CDON: variants seen among roughly 807,000 people sequenced by gnomAD.
CDON encodes the protein cell adhesion molecule-related/down-regulated by oncogenes.
In CDON, 73 loss-of-function variants were observed where a neutral mutation model predicts 120.9. That is an observed-to-expected ratio of 0.60 (90% CI 0.50 to 0.73). CDON has a LOEUF of 0.73. CDON is among the 30% of genes least tolerant of loss of function. The probability of loss-of-function intolerance (pLI) is 0.00; values close to 1 mark genes in which losing one functional copy is unlikely to be tolerated. For synonymous variants in CDON, 566 were observed against 573.5 expected (o/e 0.99, Z 0.19); for missense variants, 1,470 against 1,587.3 (o/e 0.93, Z 1.26).
rs1004143841 is a variant in CDON, at chr11:125,957,933, A to C, written c.*3009T>G. 1 of 152,246 alleles carries C rather than the reference A, an allele frequency of 6.6e-6. No homozygotes were observed. Among genetic ancestry groups the C allele is most frequent in the Non-Finnish European group, 1.5e-5 (1 of 68,056 alleles). 9.4% of individuals were successfully genotyped at this position (152,246 alleles called of 1,614,324 possible). A position where few individuals can be genotyped will look rare whatever the true frequency, so the allele number is the denominator to read the frequency against. The stretch of plus-strand genomic sequence containing the variant: ...AGTTTATGCTAAAACAATCACACAG[A>C]ATTCTAGATGAGAAGGAACATGAAT... On this transcript the variant is annotated 3_prime_UTR_variant, in exon 20 of 20. Transcript: ENST00000531738.
intron 18 of CDON, among the ~76,000 whole-genome samples, chr11:125,973,136 G>C (rs61029109): frequency 0.37 from 53,811 of 147,176 alleles, 9,907 homozygotes; most frequent in African/African-American, 0.45. Context: ...CTAGTCTACT[G>C]TTTCTCATCT....
chr11:125,979,480 G>A (rs949344870), intron 17 of CDON, among the ~76,000 whole-genome samples: 1 of 152,078 alleles, frequency 6.6e-6, no homozygotes, highest in Admixed American at 6.5e-5. Flanking sequence ...CCCTCAACAC[G>A]TTGAAGTTAG....
intron 7 of CDON, chr11:126,014,818 T>TA (rs893646763): frequency 2.5e-4 from 39 of 159,008 alleles, no homozygotes; most frequent in African/African-American, 7.2e-4. Flanking sequence ...ACTATTTAGG[T>TA]AAAAAAAACA....
intron 14 of CDON, among the ~76,000 whole-genome samples, 170 bp downstream of exon 14, chr11:125,994,114 T>C (rs181084259): frequency 6.6e-6 from 1 of 152,364 alleles, no homozygotes; most frequent in East Asian, 1.9e-4. Flanking sequence ...TATAAGGTGC[T>C]GCATATATTA....
chr11:125,973,861 A>G (rs999988964), intron 18 of CDON, among the ~76,000 whole-genome samples: 1 of 152,030 alleles, frequency 6.6e-6, no homozygotes, highest in African/African-American at 2.4e-5. Context: ...TAAAGCATCC[A>G]GATTTAATTA....
chr11:126,023,385 C>T lies in CDON; in HGVS notation c.76+16G>A, dbSNP rs769492160. The T allele has an allele frequency of 3.7e-5, 57 of 1,561,142 alleles. No individual in the cohort carries two copies. The Middle Eastern group carries it at 5.0e-4, about 14-fold the overall frequency. ...GAGTAAAGGCCAAACCACCCCCTCC[C>T]CAATTCTACTCTTACCTGAACTCAC... is the stretch of plus-strand genomic sequence containing the variant. On this transcript the variant is annotated intron_variant, in intron 2 of 19. Coordinates refer to ENST00000531738, the MANE Select transcript of CDON (RefSeq NM_001378964.1).
chr11:126,002,947 C>T (rs7104123), intron 10 of CDON, among the ~76,000 whole-genome samples: 45,258 of 151,878 alleles, frequency 0.3, 7,193 homozygotes, highest in East Asian at 0.53. Flanking sequence ...TGGCACTTGC[C>T]ATCTCTGCTG....
intron 1 of CDON, among the ~76,000 whole-genome samples, chr11:126,062,275 T>G (rs767906478): frequency 6.6e-6 from 1 of 152,092 alleles, no homozygotes; most frequent in Non-Finnish European, 1.5e-5. Flanking sequence ...CTCCCCGCTC[T>G]GCGGCATCTC....
At chr11:126,057,792 G>A (rs1948714846) in intron 1 of CDON, among the ~76,000 whole-genome samples, 1 of 152,192 alleles carries the variant, frequency 6.6e-6, no homozygotes, top group Non-Finnish European at 1.5e-5. Context: ...TGTTTCACGT[G>A]CCCGCACTAT....
At chr11:126,056,589 A>G (rs668748) in intron 1 of CDON, among the ~76,000 whole-genome samples, 94,218 of 152,150 alleles carry the variant, frequency 0.62, 29,771 homozygotes, top group African/African-American at 0.73. Context: ...GCTATTAACC[A>G]CAGCCAAAGT....
intron 1 of CDON, among the ~76,000 whole-genome samples, chr11:126,041,910 G>T (rs1471247727): frequency 6.6e-6 from 1 of 152,110 alleles, no homozygotes; most frequent in Non-Finnish European, 1.5e-5. Flanking sequence ...TTGAGACAGA[G>T]TTTCGCTCTT....
At chr11:126,031,757 GT>G (rs768640629) in intron 1 of CDON, among the ~76,000 whole-genome samples, 59 of 152,312 alleles carry the variant, frequency 3.9e-4, no homozygotes, top group African/African-American at 1.3e-3. Context: ...TCTAAGTGCA[GT>G]TTGAATGCGA....
At chr11:126,031,927 A>T (rs142006395) in intron 1 of CDON, among the ~76,000 whole-genome samples, 1 of 152,260 alleles carries the variant, frequency 6.6e-6, no homozygotes, top group African/African-American at 2.4e-5. Flanking sequence ...TTTATTTAAG[A>T]ACAAACTGGA....
intron 1 of CDON, among the ~76,000 whole-genome samples, chr11:126,036,985 C>T (rs189731701): frequency 1.0e-3 from 156 of 152,318 alleles, no homozygotes; most frequent in African/African-American, 3.7e-3. Context: ...CCACCATACC[C>T]AGCCTACAAC....
rs529057981 is a variant in CDON at position 126,015,567 on chromosome 11, T to A, written c.929-57A>T. ...CCCTCAAAATGTACTTCTTAAATTATCACTCGAGTGATAAAAATCTTCTCT... is the reference window on the plus strand; with the variant it reads ...CCCTCAAAATGTACTTCTTAAATTAACACTCGAGTGATAAAAATCTTCTCT... On this transcript the variant is annotated intron_variant, in intron 6 of 19. Coordinates refer to ENST00000531738, the MANE Select transcript of CDON (RefSeq NM_001378964.1). 3.2e-6 allele frequency: 5 copies of A among 1,556,552 alleles called. No individual in the cohort carries two copies. The Admixed American group carries it at 8.6e-5, about 27-fold the overall frequency.
chr11:126,005,152 A>G (rs7112936), intron 9 of CDON, among the ~76,000 whole-genome samples: 10,497 of 152,134 alleles, frequency 0.069, 461 homozygotes, highest in Admixed American at 0.12. Context: ...ATACAAAAAA[A>G]TTAGCCAGGT....
intron 2 of CDON, among the ~76,000 whole-genome samples, chr11:126,021,859 T>C (rs1947650735): frequency 6.6e-6 from 1 of 152,012 alleles, no homozygotes; most frequent in Non-Finnish European, 1.5e-5. Context: ...ATACCAGCAC[T>C]TTGGGAGGCC....
rs531056348 is a variant in CDON, at chr11:126,055,836, A to T, written c.-62+6743T>A. Among the ~76,000 whole-genome samples, 22 of 152,352 alleles carry T rather than the reference A, an allele frequency of 1.4e-4. 1 individual carries two copies. Among genetic ancestry groups the T allele is most frequent in the Middle Eastern group, 6.8e-3 (2 of 294 alleles). The stretch of plus-strand genomic sequence containing the variant: ...TATTGAAAAAGTCCCTATTTAAGTA[A>T]GGAAGAAAGAATACCCGACATTTAC... On this transcript the variant is annotated intron_variant, in intron 1 of 19. Transcript: ENST00000531738.
chr11:126,011,494 C>T (rs992488764), intron 7 of CDON, among the ~76,000 whole-genome samples: 10 of 152,190 alleles, frequency 6.6e-5, no homozygotes, highest in African/African-American at 2.4e-4. Context: ...TGAGGCTGAA[C>T]ATCTTTGCAT....
Sources: allele counts gnomAD v4.1 joint callset (sites outside exome capture counted in the v4.1 genomes callset), GRCh38; gene constraint gnomAD v4.1.1; transcripts MANE v1.5; gene names NCBI Gene and HGNC (gene_info 2026-07-23, HGNC 2026-07-21).